The following DDR2 variants were observed in gnomAD, a reference collection of about 807,000 sequenced individuals.
The protein encoded by DDR2 is discoidin domain-containing receptor 2.
In DDR2, 27 loss-of-function variants were observed where a neutral mutation model predicts 94.9. The observed-to-expected ratio is 0.28, with a 90% CI of 0.21 to 0.39. The LOEUF (loss-of-function observed/expected upper bound fraction) is 0.39, where lower values mean the gene tolerates loss of function less well. DDR2 is among the 10% of genes least tolerant of loss of function. DDR2 has a pLI of 1.00. For synonymous variants in DDR2, 382 were observed against 377.2 expected (o/e 1.01, Z -0.15); for missense variants, 783 against 1,076.0 (o/e 0.73, Z 3.81).
intron 7 of DDR2, among the ~76,000 whole-genome samples, chr1:162,758,726 T>A (rs1663575520): frequency 6.6e-6 from 1 of 152,182 alleles, no homozygotes; most frequent in South Asian, 2.1e-4. Context: ...TCACCCTTAG[T>A]ATTTTTTTAT....
intron 3 of DDR2, among the ~76,000 whole-genome samples, chr1:162,736,457 A>G (rs1028087732): frequency 2.0e-5 from 3 of 152,242 alleles, no homozygotes; most frequent in African/African-American, 4.8e-5. Context: ...AAGTTCTAAG[A>G]TGAGTTAGTA....
chr1:162,733,959 G>C (rs2102066680), intron 3 of DDR2, among the ~76,000 whole-genome samples: 1 of 152,240 alleles, frequency 6.6e-6, no homozygotes, highest in African/African-American at 2.4e-5. Flanking sequence ...AATAGCTACT[G>C]TCAAATACAT....
At chr1:162,672,780 G>A (rs191647942) in intron 2 of DDR2, among the ~76,000 whole-genome samples, 15 of 152,158 alleles carry the variant, frequency 9.9e-5, no homozygotes, top group Non-Finnish European at 1.9e-4. Flanking sequence ...TTTTTCCAAT[G>A]TTCTGGCGGC....
At chr1:162,754,192 C>A (rs1663347450) in intron 4 of DDR2, among the ~76,000 whole-genome samples, 1 of 152,164 alleles carries the variant, frequency 6.6e-6, no homozygotes, top group African/African-American at 2.4e-5. Flanking sequence ...TGCTGCATTG[C>A]ATAACCCACA....
At chr1:162,631,519 G>T (rs995431590), upstream of DDR2, 1 of 152,110 alleles carries the variant, frequency 6.6e-6, no homozygotes, top group Non-Finnish European at 1.5e-5. Context: ...CTGGGTCCCT[G>T]CTTGCCCTGC....
intron 1 of DDR2, among the ~76,000 whole-genome samples, chr1:162,637,239 AT>A (rs1656872033): frequency 6.6e-6 from 1 of 152,146 alleles, no homozygotes; most frequent in African/African-American, 2.4e-5. Flanking sequence ...GTGAAACTTG[AT>A]TTAGAAAATT....
intron 2 of DDR2, among the ~76,000 whole-genome samples, chr1:162,693,417 T>G (rs1660045497): frequency 6.6e-6 from 1 of 152,218 alleles, no homozygotes; most frequent in Admixed American, 6.5e-5. Context: ...GTGTTTTTCT[T>G]TTGACGTTTT....
At chr1:162,742,173 A>C (rs1391621675) in intron 3 of DDR2, among the ~76,000 whole-genome samples, 1 of 152,262 alleles carries the variant, frequency 6.6e-6, no homozygotes, top group Non-Finnish European at 1.5e-5. Context: ...ACTTTTGATA[A>C]GAATAGGCAA....
At chr1:162,647,734 T>C (rs1024882866) in intron 1 of DDR2, among the ~76,000 whole-genome samples, 1 of 152,210 alleles carries the variant, frequency 6.6e-6, no homozygotes. Context: ...CTGGTGGGAA[T>C]GTCTTTTAGC....
At chr1:162,729,280 TTATATA>T (rs1194740607) in intron 3 of DDR2, among the ~76,000 whole-genome samples, 46 of 69,742 alleles carry the variant, frequency 6.6e-4, no homozygotes, top group African/African-American at 1.6e-3. Context: ...GCATATCCAT[TTATATA>T]TATATATATA....
intron 2 of DDR2, among the ~76,000 whole-genome samples, chr1:162,700,640 T>C (rs1660389161): frequency 6.6e-6 from 1 of 152,190 alleles, no homozygotes; most frequent in Non-Finnish European, 1.5e-5. Context: ...GGCTGGGTCA[T>C]CCTTTTACTA....
chr1:162,681,410 CA>C (rs984488435), intron 2 of DDR2, among the ~76,000 whole-genome samples: 3 of 152,164 alleles, frequency 2.0e-5, no homozygotes, highest in African/African-American at 4.8e-5. Context: ...GTCCTCTTTT[CA>C]TTAATTAGGC....
rs1648089770 is a variant in DDR2 at position 162,784,930 on chromosome 1, C to G, written c.*4684C>G. On this transcript the variant is annotated 3_prime_UTR_variant, in exon 18 of 18. Transcript: ENST00000367921. ...CACATATTCATTTAGTTGCTGGATA[C>G]TTTTAATTCTTGCTGATTTGTAAAC... 1.3e-5 allele frequency: 2 copies of G among 152,160 alleles called. 1 individual carries two copies. Among genetic ancestry groups the G allele is most frequent in the South Asian group, 4.1e-4 (2 of 4,830 alleles). The allele number at this position is 152,160 out of a possible 1,614,324, so 9.4% of individuals were successfully genotyped here.
chr1:162,668,712 T>A (rs1019016646), intron 2 of DDR2, among the ~76,000 whole-genome samples: 1 of 152,214 alleles, frequency 6.6e-6, no homozygotes, highest in African/African-American at 2.4e-5. Context: ...CCAATCCAGA[T>A]AACCTCATTT....
intron 2 of DDR2, among the ~76,000 whole-genome samples, chr1:162,658,233 G>A (rs993499299): frequency 2.0e-5 from 3 of 152,106 alleles, no homozygotes; most frequent in Non-Finnish European, 2.9e-5. Flanking sequence ...CGCTTTCTAG[G>A]GCATGAAGAC....
At chr1:162,685,089 A>T (rs1039187044) in intron 2 of DDR2, among the ~76,000 whole-genome samples, 1 of 152,140 alleles carries the variant, frequency 6.6e-6, no homozygotes, top group Non-Finnish European at 1.5e-5. Flanking sequence ...ACCTTTCATT[A>T]ACTGTGATTT....
chr1:162,770,170 C>T (rs1018240454), intron 11 of DDR2, 132 bp from the exon 12 acceptor site: 62 of 859,938 alleles, frequency 7.2e-5, no homozygotes, highest in African/African-American at 3.6e-4. Flanking sequence ...ATTCCTAGCA[C>T]GTGCAGTGTT....
intron 2 of DDR2, among the ~76,000 whole-genome samples, chr1:162,687,178 A>G (rs1235347639): frequency 1.3e-5 from 2 of 152,064 alleles, no homozygotes; most frequent in Non-Finnish European, 1.5e-5. Flanking sequence ...GTGGAGTTGT[A>G]CCTCTCTGAT....
At chr1:162,776,489 C>A in intron 16 of DDR2, 119 bp downstream of exon 16, 1 of 864,546 alleles carries the variant, frequency 1.2e-6, no homozygotes. Flanking sequence ...AGTATTTTCT[C>A]TGATTTGAAA....
Sources: allele counts gnomAD v4.1 joint callset (sites outside exome capture counted in the v4.1 genomes callset), GRCh38; gene constraint gnomAD v4.1.1; transcripts MANE v1.5; gene names NCBI Gene and HGNC (gene_info 2026-07-23, HGNC 2026-07-21).